The following EYS variants were observed in gnomAD, a reference collection of about 807,000 sequenced individuals.
EYS encodes the protein protein eyes shut homolog.
A neutral mutation model predicts 282.1 loss-of-function variants in EYS; 250 were observed. The observed-to-expected ratio is 0.89, with a 90% CI of 0.80 to 0.98. The LOEUF is 0.98. EYS is among the 50% of genes least tolerant of loss of function. The pLI, the probability that EYS is intolerant of heterozygous loss-of-function variation, is 0.00. For missense variants in EYS, 4,016 were observed against 3,709.0 expected (o/e 1.08, Z -2.15); for synonymous variants, 1,355 against 1,282.9 (o/e 1.06, Z -1.20).
intron 24 of EYS, among the ~76,000 whole-genome samples, chr6:64,597,594 A>G (rs993213354): frequency 4.6e-5 from 7 of 152,128 alleles, no homozygotes; most frequent in Non-Finnish European, 4.4e-5. Flanking sequence ...TCCAACATGA[A>G]ACAACCCAGA....
At chr6:65,141,651 CTATCTAT>C (rs1561987250) in intron 12 of EYS, among the ~76,000 whole-genome samples, 1 of 3,548 alleles carries the variant, frequency 2.8e-4, no homozygotes, top group Non-Finnish European at 1.7e-3. Context: ...GTCTGTCTGT[CTATCTAT>C]CTATCTATCT....
At chr6:64,122,913 G>A (rs183844738) in intron 31 of EYS, among the ~76,000 whole-genome samples, 2,940 of 150,292 alleles carry the variant, frequency 0.02, 82 homozygotes, top group African/African-American at 0.069. Flanking sequence ...TGCTTACAAA[G>A]CATTTTTTTT....
intron 35 of EYS, among the ~76,000 whole-genome samples, chr6:63,930,280 A>AC (rs55860475): frequency 0.51 from 65,112 of 128,442 alleles, 15,918 homozygotes; most frequent in Middle Eastern, 0.59. Flanking sequence ...TAAGAAACCC[A>AC]CCCCCCCCAC....
At chr6:65,092,710 T>A (rs1436192163) in intron 12 of EYS, among the ~76,000 whole-genome samples, 1 of 152,174 alleles carries the variant, frequency 6.6e-6, no homozygotes, top group African/African-American at 2.4e-5. Context: ...CGTATCTAAT[T>A]ATCTTTCTGA....
chr6:63,805,530 C>T (rs1770882778), intron 37 of EYS, among the ~76,000 whole-genome samples: 1 of 152,132 alleles, frequency 6.6e-6, no homozygotes, highest in Non-Finnish European at 1.5e-5. Context: ...ACTTACTTCC[C>T]ATGTGACTTG....
At chr6:65,041,514 G>A (rs929159362) in intron 13 of EYS, among the ~76,000 whole-genome samples, 1 of 151,610 alleles carries the variant, frequency 6.6e-6, no homozygotes, top group Non-Finnish European at 1.5e-5. Flanking sequence ...TTCAATAATG[G>A]CTCTGAGTCT....
At chr6:64,261,411 A>G (rs1767583863) in intron 30 of EYS, among the ~76,000 whole-genome samples, 1 of 152,164 alleles carries the variant, frequency 6.6e-6, no homozygotes, top group African/African-American at 2.4e-5. Context: ...TAAGATATAG[A>G]CACGTAAATA....
chr6:64,522,696 A>G (rs1777783802), intron 26 of EYS, among the ~76,000 whole-genome samples: 1 of 151,766 alleles, frequency 6.6e-6, no homozygotes, highest in South Asian at 2.1e-4. Flanking sequence ...ACTGACTCTG[A>G]GCTGAATTAC....
intron 33 of EYS, among the ~76,000 whole-genome samples, chr6:64,027,204 G>A (rs1769562948): frequency 6.6e-6 from 1 of 152,160 alleles, no homozygotes; most frequent in South Asian, 2.1e-4. Context: ...ATAAACATCT[G>A]TTGACCTGTG....
Position 64,590,776 on chromosome 6 carries a change from G to A in EYS, c.5091C>T (p.Asn1697=). 1 of 1,550,314 alleles carries A rather than the reference G, an allele frequency of 6.5e-7. No individual in the cohort carries two copies. The highest frequency in any genetic ancestry group is 2.4e-5 in the East Asian group (1 of 40,870). Residue 1697 remains asparagine (N), a synonymous_variant, in exon 26 of 43, where the codon AAC becomes AAT. Coordinates refer to ENST00000503581, the MANE Select transcript of EYS (RefSeq NM_001142800.2). ...MTTDELSVSE[N]ILKLLKIRQY... The stretch of plus-strand genomic sequence containing the variant: ...GTCTTATTTTCAATAGTTTTAAAAT[G>A]TTTTCTGATACTGACAGTTCATCAG...
At chr6:65,034,945 T>C (rs893802037) in intron 13 of EYS, among the ~76,000 whole-genome samples, 1 of 151,962 alleles carries the variant, frequency 6.6e-6, no homozygotes, top group African/African-American at 2.4e-5. Context: ...CTGAATAACA[T>C]AGATTCAAAA....
intron 31 of EYS, among the ~76,000 whole-genome samples, chr6:64,201,361 A>G (rs1313793385): frequency 2.0e-5 from 3 of 152,146 alleles, no homozygotes; most frequent in African/African-American, 7.2e-5. Context: ...TATGTGGGGC[A>G]AAATAGTGAG....
At chr6:64,059,995 T>C (rs1315993809) in intron 33 of EYS, among the ~76,000 whole-genome samples, 1 of 152,088 alleles carries the variant, frequency 6.6e-6, no homozygotes, top group Non-Finnish European at 1.5e-5. Context: ...AGTGATGAAG[T>C]TTGACCTTTT....
intron 31 of EYS, among the ~76,000 whole-genome samples, chr6:64,131,723 A>T (rs373335034): frequency 6.6e-6 from 1 of 152,162 alleles, no homozygotes; most frequent in Non-Finnish European, 1.5e-5. Flanking sequence ...AGTGCTGACA[A>T]GTGGTGAAGT....
intron 31 of EYS, among the ~76,000 whole-genome samples, chr6:64,101,284 A>G (rs115356383): frequency 0.024 from 3,608 of 152,180 alleles, 125 homozygotes; most frequent in African/African-American, 0.082. Flanking sequence ...CTATATTTTG[A>G]AGATTGTGTA....
intron 12 of EYS, among the ~76,000 whole-genome samples, chr6:65,177,606 G>C (rs1357181573): frequency 6.6e-6 from 1 of 151,474 alleles, no homozygotes; most frequent in Non-Finnish European, 1.5e-5. Context: ...GTGCATATAG[G>C]TACATATACC....
rs971796456 is a variant in EYS at position 65,435,863 on chromosome 6, G to A, written c.863-30496C>T. 2.6e-5 allele frequency among the ~76,000 whole-genome samples: 4 copies of A among 152,068 alleles called. No individual in the cohort carries two copies. The East Asian group carries it at 7.7e-4, about 29-fold the overall frequency. ...TAAGTAAAGGAGATTAGGACATAGAGGCACAGAGGGAAGACCATGTGAGGA... is the reference window on the plus strand; with the variant it reads ...TAAGTAAAGGAGATTAGGACATAGAAGCACAGAGGGAAGACCATGTGAGGA... On this transcript the variant is annotated intron_variant, in intron 5 of 42. Coordinates refer to ENST00000503581, the MANE Select transcript of EYS (RefSeq NM_001142800.2).
At chr6:65,391,660 G>A (rs1428618495) in intron 7 of EYS, among the ~76,000 whole-genome samples, 2 of 152,122 alleles carry the variant, frequency 1.3e-5, no homozygotes, top group East Asian at 3.9e-4. Flanking sequence ...ACCGCTCAAG[G>A]AAATAAAAGA....
At chr6:64,062,832 T>C (rs1353336105) in intron 33 of EYS, among the ~76,000 whole-genome samples, 1 of 152,196 alleles carries the variant, frequency 6.6e-6, no homozygotes, top group Non-Finnish European at 1.5e-5. Flanking sequence ...TTTTTTTCTC[T>C]TGATTCCTCA....
Sources: allele counts gnomAD v4.1 joint callset (sites outside exome capture counted in the v4.1 genomes callset), GRCh38; gene constraint gnomAD v4.1.1; transcripts MANE v1.5; gene names NCBI Gene and HGNC (gene_info 2026-07-23, HGNC 2026-07-21).